The following AGBL1 variants were observed in gnomAD, a reference collection of about 807,000 sequenced individuals.
The protein encoded by AGBL1 is cytosolic carboxypeptidase 4.
In AGBL1, 130 loss-of-function variants were observed where a neutral mutation model predicts 118.9. That is an observed-to-expected ratio of 1.09 (90% CI 0.95 to 1.26). The LOEUF (loss-of-function observed/expected upper bound fraction) is 1.26. AGBL1 is among the 50% of genes most tolerant of loss of function. The pLI, the probability that AGBL1 is intolerant of heterozygous loss-of-function variation, is 0.00. For synonymous variants in AGBL1, 555 were observed against 478.9 expected (o/e 1.16, Z -2.08); for missense variants, 1,584 against 1,298.1 (o/e 1.22, Z -3.38).
intron 21 of AGBL1, among the ~76,000 whole-genome samples, chr15:86,644,851 C>CAAAAAAA (rs11434077): frequency 4.0e-5 from 4 of 99,624 alleles, no homozygotes; most frequent in East Asian, 2.8e-4. Context: ...ACTAAAAATA[C>CAAAAAAA]AAAAAAAAAA....
intron 18 of AGBL1, among the ~76,000 whole-genome samples, chr15:86,486,956 T>C (rs1057149313): frequency 6.6e-6 from 1 of 152,064 alleles, no homozygotes; most frequent in African/African-American, 2.4e-5. Flanking sequence ...GCTTCTCCTC[T>C]TTCTGTAACC....
intron 6 of AGBL1, among the ~76,000 whole-genome samples, chr15:86,244,405 T>C (rs1010828086): frequency 1.3e-5 from 2 of 152,208 alleles, no homozygotes; most frequent in Admixed American, 6.5e-5. Context: ...TTCTTTGCTC[T>C]TCTCCACATT....
chr15:86,550,558 T>A (rs558759779), intron 20 of AGBL1, among the ~76,000 whole-genome samples: 1 of 152,252 alleles, frequency 6.6e-6, no homozygotes, highest in African/African-American at 2.4e-5. Context: ...TGAAACAAAT[T>A]GTTAATCAGC....
At chr15:86,849,777 C>T (rs867367745) in intron 22 of AGBL1, among the ~76,000 whole-genome samples, 44 of 152,324 alleles carry the variant, frequency 2.9e-4, no homozygotes, top group African/African-American at 8.2e-4. Context: ...CCCAGATCCT[C>T]ATCCTAGGCA....
At chr15:86,879,003 G>A (rs777676163) in intron 22 of AGBL1, among the ~76,000 whole-genome samples, 5 of 152,218 alleles carry the variant, frequency 3.3e-5, no homozygotes, top group Non-Finnish European at 5.9e-5. Flanking sequence ...GAACAAAGGA[G>A]CCCTGGCAGG....
At chr15:86,269,676 T>A (rs1007068733) in intron 13 of AGBL1, among the ~76,000 whole-genome samples, 2 of 152,136 alleles carry the variant, frequency 1.3e-5, no homozygotes, top group East Asian at 1.9e-4. Flanking sequence ...TTTAAAAAAA[T>A]TTAAAAATAT....
At chr15:86,390,064 T>A (rs1170704884) in intron 17 of AGBL1, among the ~76,000 whole-genome samples, 1 of 152,060 alleles carries the variant, frequency 6.6e-6, no homozygotes, top group Admixed American at 6.6e-5. Context: ...CTGAAAGTGA[T>A]GAAAAAATAT....
chr15:87,025,236 G>C (rs191972802), intron 24 of AGBL1, among the ~76,000 whole-genome samples: 202 of 152,034 alleles, frequency 1.3e-3, no homozygotes, highest in African/African-American at 4.6e-3. Context: ...AAACCCTAAA[G>C]ACTCCTCCAG....
intron 13 of AGBL1, among the ~76,000 whole-genome samples, chr15:86,267,462 G>T (rs537143553): frequency 6.6e-6 from 1 of 152,102 alleles, no homozygotes; most frequent in Non-Finnish European, 1.5e-5. Flanking sequence ...TGAAGGGAAG[G>T]GTACATGGGC....
chr15:86,143,123 C>T (rs76366764), intron 2 of AGBL1, among the ~76,000 whole-genome samples: 1,868 of 152,218 alleles, frequency 0.012, 20 homozygotes, highest in East Asian at 0.05. Context: ...ACCAATAGTT[C>T]GTCATAGCTC....
intron 17 of AGBL1, among the ~76,000 whole-genome samples, chr15:86,301,045 T>C (rs918076020): frequency 6.6e-6 from 1 of 152,212 alleles, no homozygotes; most frequent in Non-Finnish European, 1.5e-5. Flanking sequence ...CTCTGGCCTT[T>C]GTCTCTTTCT....
At chr15:86,389,077 G>T (rs188937694) in intron 17 of AGBL1, among the ~76,000 whole-genome samples, 238 of 152,158 alleles carry the variant, frequency 1.6e-3, no homozygotes, top group African/African-American at 5.6e-3. Flanking sequence ...TATAGCTTTT[G>T]AAGAGAAGAA....
intron 5 of AGBL1, among the ~76,000 whole-genome samples, chr15:86,196,903 A>G (rs1353276788): frequency 3.2e-4 from 48 of 151,592 alleles, no homozygotes; most frequent in African/African-American, 9.2e-4. Context: ...ACACACACAC[A>G]CACACACACA....
At chr15:86,270,218 C>A (rs2079137345) in intron 14 of AGBL1, among the ~76,000 whole-genome samples, 151 bp downstream of exon 14, 1 of 152,122 alleles carries the variant, frequency 6.6e-6, no homozygotes, top group Non-Finnish European at 1.5e-5. Flanking sequence ...AGGCAGTGGC[C>A]CTCAGTGGCA....
chr15:86,992,754 A>G (rs1023435898), intron 24 of AGBL1, among the ~76,000 whole-genome samples: 3 of 151,780 alleles, frequency 2.0e-5, no homozygotes, highest in African/African-American at 4.8e-5. Context: ...TCCATGCCTA[A>G]TGCTAAGCCT....
chr15:86,208,618 T>C lies in AGBL1; in HGVS notation c.489-16296T>C, dbSNP rs1200320238. 5.3e-5 allele frequency among the ~76,000 whole-genome samples: 8 copies of C among 152,202 alleles called. No homozygotes were observed. In the East Asian group the frequency reaches 1.5e-3, roughly 29 times the overall value. On this transcript the variant is annotated intron_variant, in intron 5 of 22. Coordinates refer to ENST00000614907, the MANE Select transcript of AGBL1 (RefSeq NM_001386094.1). ...TAGTTTATTTGTGTAGAGGTGTTTA[T>C]AGTATTCTGTGACGGTAGTTTGTAT... is the stretch of plus-strand genomic sequence containing the variant.
chr15:86,933,058 T>C (rs2080624470), intron 23 of AGBL1: 1 of 152,214 alleles, frequency 6.6e-6, no homozygotes, highest in Admixed American at 6.5e-5. Context: ...TAGACTGCCT[T>C]TAATTCTGCT....
rs1160387745 is a variant in AGBL1 at position 86,776,785 on chromosome 15, TGTGTGAGA to T, written c.3158+102351_3158+102358del. On this transcript the variant is annotated intron_variant, in intron 22 of 22. Coordinates refer to ENST00000614907, the MANE Select transcript of AGBL1 (RefSeq NM_001386094.1). ...GTGTGTGTGTGTGTGTGTGTGTGTG[TGTGTGAGA>T]GAGAGAGAGAATTAAGGGGAATTTG... Among the ~76,000 whole-genome samples, 9 of 129,538 alleles carry T rather than the reference TGTGTGAGA, an allele frequency of 6.9e-5. No individual in the cohort carries two copies. In the East Asian group the frequency reaches 1.9e-3, roughly 28 times the overall value. 85.0% of individuals were successfully genotyped at this position (129,538 alleles called of 152,430 possible).
chr15:86,686,365 C>A (rs943264544), intron 22 of AGBL1, among the ~76,000 whole-genome samples: 1 of 151,858 alleles, frequency 6.6e-6, no homozygotes, highest in East Asian at 1.9e-4. Flanking sequence ...AATTTGGTAT[C>A]CCCATCAGAA....
Sources: allele counts gnomAD v4.1 joint callset (sites outside exome capture counted in the v4.1 genomes callset), GRCh38; gene constraint gnomAD v4.1.1; transcripts MANE v1.5; gene names NCBI Gene and HGNC (gene_info 2026-07-23, HGNC 2026-07-21).